Variants in FBXO42 observed in about 807,000 individuals in gnomAD.
FBXO42 encodes the protein F-box protein 42, also known as F-box only protein 42.
A neutral mutation model predicts 71.7 loss-of-function variants in FBXO42; 12 were observed. The ratio of observed to expected loss-of-function variants is 0.17; its 90% CI spans 0.11 to 0.27. FBXO42 has a LOEUF of 0.27. Among genes scored for constraint, FBXO42 ranks in the 10% least tolerant of loss-of-function variants. The pLI is 1.00. For synonymous variants in FBXO42, 325 were observed against 327.5 expected (o/e 0.99, Z 0.08); for missense variants, 707 against 911.9 (o/e 0.78, Z 2.89).
chr1:16,313,964 GA>G (rs2082339680), intron 2 of FBXO42, among the ~76,000 whole-genome samples: 2 of 152,062 alleles, frequency 1.3e-5, no homozygotes, highest in Admixed American at 6.6e-5. Flanking sequence ...GGAAAAGGAT[GA>G]AAAAAAGGAC....
chr1:16,328,101 G>C (rs373697746), intron 1 of FBXO42, among the ~76,000 whole-genome samples: 1 of 152,104 alleles, frequency 6.6e-6, no homozygotes, highest in Non-Finnish European at 1.5e-5. Flanking sequence ...TATAAAACTG[G>C]TAAGACTCAA....
At chr1:16,267,754 A>G (rs183082049) in intron 4 of FBXO42, among the ~76,000 whole-genome samples, 1 of 152,282 alleles carries the variant, frequency 6.6e-6, no homozygotes, top group East Asian at 1.9e-4. Context: ...CTCAGGATTC[A>G]GGGTATACAT....
Position 16,315,522 on chromosome 1 carries a change from T to C in FBXO42, c.-17-87A>G, listed in dbSNP as rs79470747. 1.2e-3 allele frequency: 1,718 copies of C among 1,384,882 alleles called. 17 individuals carry two copies. In the African/African-American group the frequency reaches 0.022, roughly 18 times the overall value. The allele number at this position is 1,384,882 out of a possible 1,614,324, so 85.8% of individuals were successfully genotyped here. A position where few individuals can be genotyped will look rare whatever the true frequency, so the allele number is the denominator to read the frequency against. On this transcript the variant is annotated intron_variant, in intron 1 of 9. Coordinates refer to ENST00000375592, the MANE Select transcript of FBXO42 (RefSeq NM_018994.3). The stretch of plus-strand genomic sequence containing the variant: ...CATGTACATCCAAGCTCTTTGTAAT[T>C]TCGTTTCCACTCTCAGTGTGAAATC...
intron 1 of FBXO42, among the ~76,000 whole-genome samples, chr1:16,324,499 G>A (rs903663353): frequency 5.9e-5 from 9 of 152,188 alleles, no homozygotes; most frequent in African/African-American, 2.2e-4. Context: ...AAGGTTCACA[G>A]ACAAGCATTT....
At chr1:16,335,040 AAC>A (rs1279307385) in intron 1 of FBXO42, among the ~76,000 whole-genome samples, 2 of 139,996 alleles carry the variant, frequency 1.4e-5, no homozygotes, top group African/African-American at 5.2e-5. Flanking sequence ...CAGCCCTGGC[AAC>A]ACAGCAAAAC....
chr1:16,263,363 G>C (rs971858238), intron 4 of FBXO42, among the ~76,000 whole-genome samples: 2 of 151,976 alleles, frequency 1.3e-5, no homozygotes, highest in African/African-American at 4.8e-5. Context: ...CAGGAGAATG[G>C]CGTGAACCCG....
At chr1:16,322,914 A>ATG (rs1557601727) in intron 1 of FBXO42, among the ~76,000 whole-genome samples, 45 of 152,346 alleles carry the variant, frequency 3.0e-4, no homozygotes, top group African/African-American at 1.1e-3. Context: ...TCAACATGGG[A>ATG]ATGAAACTGC....
At chr1:16,298,082 T>C (rs1557590285) in intron 3 of FBXO42, among the ~76,000 whole-genome samples, 1 of 151,428 alleles carries the variant, frequency 6.6e-6, no homozygotes, top group Non-Finnish European at 1.5e-5. Flanking sequence ...AAAATTGGTC[T>C]GGCATGGTGG....
chr1:16,285,428 C>A (rs551441081), intron 4 of FBXO42, among the ~76,000 whole-genome samples: 9 of 152,038 alleles, frequency 5.9e-5, no homozygotes, highest in African/African-American at 2.2e-4. Context: ...CAGGCGCCAC[C>A]ATGCCCAGCT....
rs1553151074 is a variant in FBXO42 at position 16,279,854 on chromosome 1, C to CTTTTTT, written c.502+14923_502+14928dup. 1.2e-4 allele frequency among the ~76,000 whole-genome samples: 16 copies of CTTTTTT among 138,190 alleles called. 1 individual carries two copies. The highest frequency in any genetic ancestry group is 2.1e-4 in the East Asian group (1 of 4,778). The allele number at this position is 138,190 out of a possible 152,430, so 90.7% of individuals were successfully genotyped here. Reference sequence around the variant, plus strand: ...TCATGTTGACAATGGTTTTTTTTTTCTTTTTTTTTTGAGACAGAGTCTTGC... The same window carrying CTTTTTT: ...TCATGTTGACAATGGTTTTTTTTTTCTTTTTTTTTTTTTTTTGAGACAGAGTCTTGC... On this transcript the variant is annotated intron_variant, in intron 4 of 9. Coordinates refer to ENST00000375592, the MANE Select transcript of FBXO42 (RefSeq NM_018994.3).
At chr1:16,308,733 C>G (rs1233073839) in intron 2 of FBXO42, among the ~76,000 whole-genome samples, 1 of 145,754 alleles carries the variant, frequency 6.9e-6, no homozygotes, top group Non-Finnish European at 1.5e-5. Context: ...TGGGAGACCC[C>G]ATCTCTGTTT....
intron 1 of FBXO42, among the ~76,000 whole-genome samples, chr1:16,317,347 G>A (rs1330511357): frequency 1.3e-5 from 2 of 152,110 alleles, no homozygotes; most frequent in Non-Finnish European, 2.9e-5. Context: ...GAACCCAGGA[G>A]GTGGAGGTTG....
rs1176039077 is a variant in FBXO42 at position 16,286,637 on chromosome 1, T to C, written c.502+8146A>G. Reference sequence around the variant, plus strand: ...AATAGGCTAATGAGCCCTACATGGCTACCTCCAGCCTGTGTGTCTCCCCTG... The same window carrying C: ...AATAGGCTAATGAGCCCTACATGGCCACCTCCAGCCTGTGTGTCTCCCCTG... On this transcript the variant is annotated intron_variant, in intron 4 of 9. Coordinates refer to ENST00000375592, the MANE Select transcript of FBXO42 (RefSeq NM_018994.3). Among the ~76,000 whole-genome samples, 9 of 152,172 alleles carry C rather than the reference T, an allele frequency of 5.9e-5. No individual in the cohort carries two copies. In the South Asian group the frequency reaches 1.4e-3, roughly 24 times the overall value.
At position 16,250,487 on chromosome 1, in the gene FBXO42, A is replaced by G. The variant is rs1306535468; in HGVS notation, c.*183T>C. ...AGTTGGCTATATAATATATATATAT[A>G]TATTTATATATAATTTTTTTTCTTA... On this transcript the variant is annotated 3_prime_UTR_variant, in exon 10 of 10. Coordinates refer to ENST00000375592, the MANE Select transcript of FBXO42 (RefSeq NM_018994.3). The surrounding 1 kb of genome is among the most constrained non-coding windows in gnomAD (Gnocchi z 4.7). The G allele has an allele frequency of 5.6e-6, 1 of 177,904 alleles. No individual in the cohort carries two copies. The highest frequency in any genetic ancestry group is 1.2e-5 in the Non-Finnish European group (1 of 85,510). 11.0% of individuals were successfully genotyped at this position (177,904 alleles called of 1,614,324 possible). A position where few individuals can be genotyped will look rare whatever the true frequency, so the allele number is the denominator to read the frequency against.
Position 16,329,507 on chromosome 1 carries a change from CAA to C in FBXO42, c.-17-14074_-17-14073del, listed in dbSNP as rs370052562. 7.4e-3 allele frequency among the ~76,000 whole-genome samples: 1,126 copies of C among 151,906 alleles called. 10 individuals are homozygous for C. The highest frequency in any genetic ancestry group is 0.026 in the African/African-American group (1,070 of 41,448). On this transcript the variant is annotated intron_variant, in intron 1 of 9. Transcript: ENST00000375592. ...GCTGAGGCAAGAGAACTGCTAGAAC[CAA>C]AGAGGCAGAGGTTGCAGTGAGCCAA...
intron 4 of FBXO42, among the ~76,000 whole-genome samples, chr1:16,264,340 G>A (rs2081749091): frequency 6.6e-6 from 1 of 152,134 alleles, no homozygotes; most frequent in African/African-American, 2.4e-5. Flanking sequence ...AGTTAAAAAG[G>A]CACATAACCA....
chr1:16,283,494 GTTTTTTTTT>G (rs386366300), intron 4 of FBXO42, among the ~76,000 whole-genome samples: 2 of 80,972 alleles, frequency 2.5e-5, no homozygotes, highest in Non-Finnish European at 4.7e-5. Context: ...ACTGTGGCAA[GTTTTTTTTT>G]TTTTTTTTTT....
At position 16,288,125 on chromosome 1, in the gene FBXO42, G is replaced by C. The variant is rs985400798; in HGVS notation, c.502+6658C>G. On this transcript the variant is annotated intron_variant, in intron 4 of 9. Coordinates refer to ENST00000375592, the MANE Select transcript of FBXO42 (RefSeq NM_018994.3). Reference sequence around the variant, plus strand: ...TTGCACTCCAGCCTGGGAAACAAGAGTGAAACTCTGTCTCAAACAAACAAT... The same window carrying C: ...TTGCACTCCAGCCTGGGAAACAAGACTGAAACTCTGTCTCAAACAAACAAT... Among the ~76,000 whole-genome samples, 4 of 152,156 alleles carry C rather than the reference G, an allele frequency of 2.6e-5. 1 individual carries two copies. The South Asian group carries it at 8.3e-4, about 32-fold the overall frequency.
At chr1:16,286,780 C>T (rs1295861755) in intron 4 of FBXO42, among the ~76,000 whole-genome samples, 1 of 152,112 alleles carries the variant, frequency 6.6e-6, no homozygotes, top group Non-Finnish European at 1.5e-5. Context: ...CCCAGTCTTC[C>T]CCATCTCAGT....
Sources: gnomAD v4.1 joint callset for allele counts (sites outside exome capture counted in the v4.1 genomes callset) on GRCh38, gnomAD v4.1.1 for gene constraint, Gnocchi (gnomAD v3.1) non-coding constraint, MANE v1.5 for transcripts, NCBI Gene and HGNC (gene_info 2026-07-23, HGNC 2026-07-21) for gene names.